The following MYO16 variants were observed in gnomAD, a reference collection of about 807,000 sequenced individuals.
The protein encoded by MYO16 is unconventional myosin-XVI.
Under a neutral mutation model 205.3 loss-of-function variants are expected in MYO16, and 94 were observed. The ratio of observed to expected loss-of-function variants is 0.46; its 90% CI spans 0.39 to 0.54. The LOEUF (loss-of-function observed/expected upper bound fraction) is 0.54. Ranked by LOEUF, MYO16 falls within the 20% of genes least tolerant of loss-of-function variation. The pLI is 0.00. For synonymous variants in MYO16, 988 were observed against 954.0 expected (o/e 1.04, Z -0.66); for missense variants, 2,315 against 2,387.5 (o/e 0.97, Z 0.63).
intron 12 of MYO16, among the ~76,000 whole-genome samples, chr13:108,873,487 C>A (rs1244424817): frequency 1.3e-5 from 2 of 152,244 alleles, no homozygotes; most frequent in Non-Finnish European, 2.9e-5. Flanking sequence ...GCAGCCCTCC[C>A]AGTTAGATTG....
At chr13:108,639,505 G>T (rs537667115) in intron 1 of MYO16, among the ~76,000 whole-genome samples, 2 of 152,206 alleles carry the variant, frequency 1.3e-5, no homozygotes, top group Non-Finnish European at 2.9e-5. Context: ...CTTCAAACCT[G>T]CACTGTCCAG....
At chr13:109,019,369 T>C (rs990210670) in intron 22 of MYO16, among the ~76,000 whole-genome samples, 1 of 152,198 alleles carries the variant, frequency 6.6e-6, no homozygotes, top group Admixed American at 6.6e-5. Context: ...TTTATATGGA[T>C]TATAGGTCAA....
the MYO16 span, among the ~76,000 whole-genome samples, chr13:108,520,849 T>C: frequency 0.99 from 151,040 of 152,264 alleles, 74,931 homozygotes; most frequent in East Asian, 1. Flanking sequence ...TGGATGTTGC[T>C]GATGCTTCTC....
At chr13:108,541,348 T>A in the MYO16 span, among the ~76,000 whole-genome samples, 3 of 151,162 alleles carry the variant, frequency 2.0e-5, no homozygotes, top group African/African-American at 7.3e-5. Flanking sequence ...GATATATGTA[T>A]AATTATGCAT....
chr13:108,799,065 C>T (rs541626845), intron 6 of MYO16, among the ~76,000 whole-genome samples: 4 of 152,304 alleles, frequency 2.6e-5, no homozygotes, highest in African/African-American at 9.6e-5. Context: ...AAGTATCAAG[C>T]AATTTTATTT....
At chr13:109,153,038 C>T (rs141936770) in intron 32 of MYO16, among the ~76,000 whole-genome samples, 2 of 152,278 alleles carry the variant, frequency 1.3e-5, no homozygotes, top group East Asian at 1.9e-4. Flanking sequence ...GGGGACGAGA[C>T]TCACATTTTA....
At chr13:108,728,719 G>A (rs1026394485) in intron 4 of MYO16, among the ~76,000 whole-genome samples, 2 of 152,190 alleles carry the variant, frequency 1.3e-5, no homozygotes, top group South Asian at 2.1e-4. Flanking sequence ...TTTAGGGCCC[G>A]CCCTAAGGCA....
Position 108,992,141 on chromosome 13 carries a change from G to T in MYO16, c.2370-235G>T, listed in dbSNP as rs422678. ...GGAACTTAAAACAGATTTACAAGAC[G>T]ATGTGTTTTTATAAATGTGCATGTG... On this transcript the variant is annotated intron_variant, in intron 20 of 34. Transcript: ENST00000457511. 1.2e-4 allele frequency among the ~76,000 whole-genome samples: 18 copies of T among 152,156 alleles called. No homozygotes were observed. In the South Asian group the frequency reaches 3.3e-3, roughly 28 times the overall value.
chr13:108,836,871 T>C (rs577404709), intron 9 of MYO16, among the ~76,000 whole-genome samples: 1 of 152,316 alleles, frequency 6.6e-6, no homozygotes, highest in East Asian at 1.9e-4. Context: ...CTTTCAAATT[T>C]ACAGGCTCAT....
intron 16 of MYO16, among the ~76,000 whole-genome samples, chr13:108,942,109 C>G (rs1244906324): frequency 6.6e-6 from 1 of 152,166 alleles, no homozygotes; most frequent in Non-Finnish European, 1.5e-5. Context: ...GGCTAACAGG[C>G]CTGCATTTGA....
intron 1 of MYO16, among the ~76,000 whole-genome samples, chr13:108,601,969 G>T (rs1878779669): frequency 1.3e-5 from 2 of 151,970 alleles, no homozygotes; most frequent in Admixed American, 1.3e-4. Context: ...CCCCAGTGTG[G>T]TCATATTAGG....
intron 16 of MYO16, among the ~76,000 whole-genome samples, chr13:108,910,352 CTT>C (rs770210131): frequency 7.2e-6 from 1 of 138,814 alleles, no homozygotes; most frequent in Non-Finnish European, 1.5e-5. Flanking sequence ...TGTGAACAAA[CTT>C]ATATTTTACT....
At chr13:109,150,068 G>T (rs1052795487) in intron 32 of MYO16, among the ~76,000 whole-genome samples, 1 of 152,102 alleles carries the variant, frequency 6.6e-6, no homozygotes, top group Non-Finnish European at 1.5e-5. Context: ...GAAATTAAAT[G>T]GGTGGTGGGC....
intron 23 of MYO16, among the ~76,000 whole-genome samples, chr13:109,036,731 G>T (rs1194941602): frequency 6.6e-6 from 1 of 152,130 alleles, no homozygotes; most frequent in Non-Finnish European, 1.5e-5. Flanking sequence ...TCTATTACAT[G>T]CATGAGAGAC....
intron 16 of MYO16, among the ~76,000 whole-genome samples, chr13:108,913,195 T>C (rs1881343201): frequency 6.6e-6 from 1 of 152,154 alleles, no homozygotes; most frequent in Admixed American, 6.5e-5. Flanking sequence ...ATCATAAGTA[T>C]CTAATGGGTG....
At position 109,072,829 on chromosome 13, in the gene MYO16, C is replaced by T. The variant is rs571197280; in HGVS notation, c.3335+17234C>T. 1.4e-4 allele frequency among the ~76,000 whole-genome samples: 22 copies of T among 152,256 alleles called. No homozygotes were observed. In the South Asian group the frequency reaches 4.6e-3, roughly 32 times the overall value. On this transcript the variant is annotated intron_variant, in intron 27 of 34. Coordinates refer to ENST00000457511, the MANE Select transcript of MYO16 (RefSeq NM_001198950.3). ...ATGTCTTAAGGATGCCGTGACATTTCCTGGTTGAGAATTTGAAGCATTCCT... is the reference window on the plus strand; with the variant it reads ...ATGTCTTAAGGATGCCGTGACATTTTCTGGTTGAGAATTTGAAGCATTCCT...
intron 1 of MYO16, among the ~76,000 whole-genome samples, chr13:108,612,462 C>G (rs1879211218): frequency 6.6e-6 from 1 of 152,142 alleles, no homozygotes; most frequent in Non-Finnish European, 1.5e-5. Context: ...ACAGTCTTGA[C>G]AGAAATGCCT....
intron 32 of MYO16, among the ~76,000 whole-genome samples, chr13:109,145,343 G>A (rs1233256018): frequency 6.6e-6 from 1 of 150,898 alleles, no homozygotes; most frequent in Non-Finnish European, 1.5e-5. Context: ...ATGCAATGCT[G>A]CTCAGACAGC....
intron 32 of MYO16, among the ~76,000 whole-genome samples, chr13:109,160,966 C>T (rs1013464778): frequency 2.0e-5 from 3 of 152,302 alleles, no homozygotes; most frequent in South Asian, 2.1e-4. Flanking sequence ...TACCACTTTA[C>T]GGGAGAACCC....
Sources: allele counts gnomAD v4.1 joint callset (sites outside exome capture counted in the v4.1 genomes callset), GRCh38; gene constraint gnomAD v4.1.1; transcripts MANE v1.5; gene names NCBI Gene and HGNC (gene_info 2026-07-23, HGNC 2026-07-21).